Variants in RBFOX1 observed in about 807,000 individuals in gnomAD.
RBFOX1 encodes RNA binding fox-1 homolog 1, also known as RNA binding protein fox-1 homolog 1.
Under a neutral mutation model 57.7 loss-of-function variants are expected in RBFOX1, and 8 were observed. That is an observed-to-expected ratio of 0.14 (90% CI 0.08 to 0.25). RBFOX1 has a LOEUF of 0.25. Ranked by LOEUF, RBFOX1 falls within the 10% of genes least tolerant of loss-of-function variation. RBFOX1 has a pLI of 1.00. For missense variants in RBFOX1, 611 were observed against 548.5 expected (o/e 1.11, Z -1.14); for synonymous variants, 326 against 222.4 (o/e 1.47, Z -4.15).
intron 2 of RBFOX1, among the ~76,000 whole-genome samples, chr16:6,522,154 A>AGAGT (rs929664653): frequency 2.1e-5 from 3 of 142,854 alleles, no homozygotes; most frequent in Admixed American, 7.0e-5. Context: ...GGGGACCCAC[A>AGAGT]GTGTGTGTGT....
At chr16:5,250,776 C>T (rs893328167) in intron 1 of RBFOX1, among the ~76,000 whole-genome samples, 4 of 152,164 alleles carry the variant, frequency 2.6e-5, no homozygotes, top group Non-Finnish European at 5.9e-5. Context: ...AGCCCTGCAC[C>T]GATACGTCTG....
chr16:7,541,185 A>G (rs1394585299), intron 5 of RBFOX1, among the ~76,000 whole-genome samples: 1 of 152,236 alleles, frequency 6.6e-6, no homozygotes, highest in Non-Finnish European at 1.5e-5. Context: ...TACATATTTA[A>G]GGACAAGCAC....
chr16:5,700,414 AGTT>A (rs912445903), intron 3 of RBFOX1, among the ~76,000 whole-genome samples: 3 of 152,220 alleles, frequency 2.0e-5, no homozygotes, highest in African/African-American at 7.2e-5. Context: ...TTAGATTCAT[AGTT>A]GTTTCTCCTG....
intron 1 of RBFOX1, among the ~76,000 whole-genome samples, chr16:6,241,516 T>C (rs1304009159): frequency 2.0e-5 from 3 of 152,192 alleles, no homozygotes; most frequent in Admixed American, 6.5e-5. Flanking sequence ...ATTTTCCTCG[T>C]AAGTAATTTC....
rs73523268 is a variant in RBFOX1, at chr16:6,304,520, G to A, written c.-126-12475G>A. On this transcript the variant is annotated intron_variant, in intron 1 of 15. Transcript: ENST00000550418. Reference sequence around the variant, plus strand: ...TCTTGAGGACTATCTTCCCTACAGAGCCGTATGCCTGAGGAGGGGAGACGA... The same window carrying A: ...TCTTGAGGACTATCTTCCCTACAGAACCGTATGCCTGAGGAGGGGAGACGA... Among the ~76,000 whole-genome samples, 222 of 152,190 alleles carry A rather than the reference G, an allele frequency of 1.5e-3. 1 individual carries two copies. Among genetic ancestry groups the A allele is most frequent in the African/African-American group, 3.4e-3 (141 of 41,524 alleles).
In RBFOX1 at chr16:7,303,722, C is replaced by T. The variant is rs568458920; in HGVS notation, c.28-214425C>T. ...TCAGTGTGAGTCAAAACCTCTCTTC[C>T]TCTCTTTCAATCTCTCTCTCTCTTT... is the stretch of plus-strand genomic sequence containing the variant. On this transcript the variant is annotated intron_variant, in intron 4 of 15. Transcript: ENST00000550418. 5.3e-5 allele frequency among the ~76,000 whole-genome samples: 8 copies of T among 152,058 alleles called. No homozygotes were observed. In the East Asian group the frequency reaches 1.6e-3, roughly 30 times the overall value.
intron 2 of RBFOX1, among the ~76,000 whole-genome samples, chr16:5,557,960 A>G (rs2045742265): frequency 6.6e-6 from 1 of 152,182 alleles, no homozygotes; most frequent in African/African-American, 2.4e-5. Context: ...AAGAGTAAGC[A>G]TGTCTGGATG....
intron 2 of RBFOX1, among the ~76,000 whole-genome samples, chr16:5,480,350 G>A (rs1032663641): frequency 4.0e-5 from 6 of 150,866 alleles, no homozygotes; most frequent in African/African-American, 7.3e-5. Context: ...TAAACACCTC[G>A]CCCATCTATG....
At chr16:7,362,306 TTG>T (rs1448566760) in intron 4 of RBFOX1, among the ~76,000 whole-genome samples, 13 of 146,364 alleles carry the variant, frequency 8.9e-5, no homozygotes, top group Non-Finnish European at 1.5e-5. Flanking sequence ...TTTCGTGTGT[TTG>T]CGTGTGTGTG....
intron 4 of RBFOX1, among the ~76,000 whole-genome samples, chr16:7,378,664 C>G (rs1245146224): frequency 1.3e-5 from 2 of 152,118 alleles, no homozygotes; most frequent in African/African-American, 4.8e-5. Context: ...GTTTTGACCT[C>G]CCAATGTAGG....
rs80133846 is a variant in RBFOX1, at chr16:7,033,758, G to A, written c.-15-18299G>A. Among the ~76,000 whole-genome samples, 479 of 152,190 alleles carry A rather than the reference G, an allele frequency of 3.1e-3. 4 individuals carry two copies. Among genetic ancestry groups the A allele is most frequent in the East Asian group, 0.025 (128 of 5,148 alleles). ...CCTGTAATCCCAGCACTTTGGGAGCGTGAGCTGGGGACCAGCCTGAGTAAC... is the reference window on the plus strand; with the variant it reads ...CCTGTAATCCCAGCACTTTGGGAGCATGAGCTGGGGACCAGCCTGAGTAAC... On this transcript the variant is annotated intron_variant, in intron 3 of 15. Transcript: ENST00000550418.
At chr16:7,434,474 T>TAAAA (rs908919504) in intron 4 of RBFOX1, among the ~76,000 whole-genome samples, 3 of 150,060 alleles carry the variant, frequency 2.0e-5, no homozygotes, top group Admixed American at 1.3e-4. Flanking sequence ...TCTGTCTCGT[T>TAAAA]AAAATAAATA....
chr16:6,043,315 G>C (rs2095461100), intron 1 of RBFOX1, among the ~76,000 whole-genome samples: 1 of 152,058 alleles, frequency 6.6e-6, no homozygotes, highest in African/African-American at 2.4e-5. Context: ...GGAAGTCCTG[G>C]CTGCATTCAT....
intron 4 of RBFOX1, among the ~76,000 whole-genome samples, chr16:7,282,608 T>C (rs993413795): frequency 2.0e-4 from 30 of 152,206 alleles, no homozygotes; most frequent in African/African-American, 7.2e-4. Flanking sequence ...CCATAGGTTA[T>C]TGGGGGAACA....
chr16:5,828,629 G>C (rs1333251968), intron 3 of RBFOX1, among the ~76,000 whole-genome samples: 2 of 152,124 alleles, frequency 1.3e-5, no homozygotes, highest in Non-Finnish European at 2.9e-5. Flanking sequence ...AACCCAGGAG[G>C]CAGAGGTTGC....
intron 1 of RBFOX1, among the ~76,000 whole-genome samples, chr16:6,235,831 T>C (rs990600238): frequency 1.3e-5 from 2 of 151,944 alleles, no homozygotes; most frequent in African/African-American, 4.8e-5. Flanking sequence ...ACAAGAATGA[T>C]ACAATGGACT....
chr16:5,705,806 GGC>G (rs1268607284), intron 3 of RBFOX1, among the ~76,000 whole-genome samples: 1 of 152,190 alleles, frequency 6.6e-6, no homozygotes, highest in Non-Finnish European at 1.5e-5. Flanking sequence ...GAGGCCTCTT[GGC>G]TTTGCTTATT....
chr16:7,271,239 G>A (rs1377467882), intron 4 of RBFOX1, among the ~76,000 whole-genome samples: 9 of 151,950 alleles, frequency 5.9e-5, no homozygotes, highest in Non-Finnish European at 8.8e-5. Flanking sequence ...GTCTACACGT[G>A]TTTCCTAATG....
chr16:5,313,016 G>A (rs1303193992), intron 1 of RBFOX1, among the ~76,000 whole-genome samples: 1 of 152,110 alleles, frequency 6.6e-6, no homozygotes, highest in East Asian at 1.9e-4. Context: ...CACTGAGAAT[G>A]GCAGGCTCAG....
Sources: allele counts gnomAD v4.1 joint callset (sites outside exome capture counted in the v4.1 genomes callset), GRCh38; gene constraint gnomAD v4.1.1; transcripts MANE v1.5; gene names NCBI Gene and HGNC (gene_info 2026-07-23, HGNC 2026-07-21).